Variants in PAG1 observed in about 807,000 individuals in gnomAD.
PAG1 encodes the protein phosphoprotein associated with glycosphingolipid-enriched microdomains 1.
PAG1 carries 23 observed loss-of-function variants against 31.7 expected under a neutral mutation model. The observed-to-expected ratio is 0.73, with a 90% CI of 0.52 to 1.03. PAG1 has a LOEUF of 1.03. Among genes scored for constraint, PAG1 ranks in the 50% least tolerant of loss-of-function variants. PAG1 has a pLI of 0.00. For missense variants in PAG1, 473 were observed against 540.7 expected, an observed-to-expected ratio of 0.87 and a Z score of 1.24; for synonymous variants, 214 against 210.3, an observed-to-expected ratio of 1.02 and a Z score of -0.15.
intron 3 of PAG1, among the ~76,000 whole-genome samples, chr8:81,008,867 A>G (rs1023849490): frequency 6.6e-6 from 1 of 152,154 alleles, no homozygotes; most frequent in Non-Finnish European, 1.5e-5. Flanking sequence ...AGTAGCTTTT[A>G]TAAAATATTA....
chr8:80,985,441 C>A (rs1276029865), intron 6 of PAG1, 64 bp from the exon 7 acceptor site: 3 of 1,495,656 alleles, frequency 2.0e-6, no homozygotes, highest in Non-Finnish European at 2.7e-6. Context: ...TACCGAGAAT[C>A]AGGTAATATA....
chr8:81,040,997 C>T (rs374311719), intron 2 of PAG1, among the ~76,000 whole-genome samples: 69 of 152,292 alleles, frequency 4.5e-4, no homozygotes, highest in African/African-American at 1.4e-3. Context: ...AACAAATGCT[C>T]GCGAGGGTAA....
chr8:81,085,399 A>T (rs1434999606), intron 1 of PAG1, among the ~76,000 whole-genome samples: 1 of 152,224 alleles, frequency 6.6e-6, no homozygotes, highest in Admixed American at 6.5e-5. Flanking sequence ...CAGTGAAGTG[A>T]CAAGTAGCAC....
At chr8:81,041,133 A>T (rs1271600403) in intron 2 of PAG1, among the ~76,000 whole-genome samples, 1 of 152,208 alleles carries the variant, frequency 6.6e-6, no homozygotes, top group African/African-American at 2.4e-5. Flanking sequence ...ACACCCCTTG[A>T]ATCTTAACTG....
chr8:81,055,572 A>G (rs1217814119), intron 2 of PAG1, among the ~76,000 whole-genome samples: 1 of 151,974 alleles, frequency 6.6e-6, no homozygotes, highest in Non-Finnish European at 1.5e-5. Flanking sequence ...CACGATATTG[A>G]TTCTTCCTAT....
At position 80,993,286 on chromosome 8, in the gene PAG1, C is replaced by T. The variant is rs2130511676; in HGVS notation, c.-59G>A. ...TCAGTCAGTCCTTCAAAGGTGGTGA[C>T]ATGGAGGCAGAGAGCTGTGTCCTGC... On this transcript the variant is annotated 5_prime_UTR_variant, in exon 4 of 9. The change abolishes an upstream ATG in the 5' untranslated region. Transcript: ENST00000220597. 1.3e-6 allele frequency: 2 copies of T among 1,540,968 alleles called. No homozygotes were observed. Among genetic ancestry groups the T allele is most frequent in the South Asian group, 1.2e-5 (1 of 81,476 alleles).
intron 3 of PAG1, among the ~76,000 whole-genome samples, chr8:80,996,640 T>C (rs934090070): frequency 2.0e-5 from 3 of 152,162 alleles, no homozygotes; most frequent in Non-Finnish European, 4.4e-5. Flanking sequence ...TGTGTGCAGA[T>C]GTACATGGAT....
intron 1 of PAG1, among the ~76,000 whole-genome samples, chr8:81,077,139 C>T (rs1368633213): frequency 1.3e-5 from 2 of 152,222 alleles, no homozygotes; most frequent in African/African-American, 4.8e-5. Context: ...CCCCCAGGAG[C>T]TCGTTAGAAA....
At chr8:81,095,791 C>A (rs1361177677) in intron 1 of PAG1, among the ~76,000 whole-genome samples, 1 of 152,176 alleles carries the variant, frequency 6.6e-6, no homozygotes, top group African/African-American at 2.4e-5. Context: ...TGCACCACTG[C>A]CAGCCTTGGC....
At chr8:81,091,595 A>C (rs552887207) in intron 1 of PAG1, among the ~76,000 whole-genome samples, 1 of 152,332 alleles carries the variant, frequency 6.6e-6, no homozygotes, top group African/African-American at 2.4e-5. Flanking sequence ...AACATAGAAA[A>C]GATACAGTAA....
intron 2 of PAG1, among the ~76,000 whole-genome samples, chr8:81,064,002 G>C (rs73694040): frequency 0.012 from 1,787 of 152,004 alleles, 41 homozygotes; most frequent in African/African-American, 0.041. Context: ...CTTACACAAG[G>C]AGCAAAAGAC....
intron 7 of PAG1, among the ~76,000 whole-genome samples, chr8:80,981,862 C>CCTTTTTTTT (rs1554598378): frequency 1.8e-4 from 19 of 103,430 alleles, no homozygotes; most frequent in African/African-American, 4.5e-4. Flanking sequence ...ATCTCACTTC[C>CCTTTTTTTT]TTTTTTTTTT....
At chr8:80,998,675 G>A (rs957378793) in intron 3 of PAG1, among the ~76,000 whole-genome samples, 1 of 152,034 alleles carries the variant, frequency 6.6e-6, no homozygotes, top group Non-Finnish European at 1.5e-5. Context: ...ATCCTTAACA[G>A]GTAGGTTCTC....
chr8:81,095,978 A>G (rs1586217198), intron 1 of PAG1, among the ~76,000 whole-genome samples: 1 of 152,226 alleles, frequency 6.6e-6, no homozygotes, highest in East Asian at 1.9e-4. Context: ...CATTTAAATA[A>G]TTCTTATGAA....
intron 2 of PAG1, among the ~76,000 whole-genome samples, chr8:81,050,459 G>T (rs894321947): frequency 6.6e-6 from 1 of 152,124 alleles, no homozygotes; most frequent in Non-Finnish European, 1.5e-5. Flanking sequence ...ACAGAGATCT[G>T]AGGTTCCAGC....
chr8:81,096,705 C>T (rs1451113462), intron 1 of PAG1, among the ~76,000 whole-genome samples: 1 of 152,128 alleles, frequency 6.6e-6, no homozygotes, highest in African/African-American at 2.4e-5. Context: ...GTTTACAGAG[C>T]CTTACAAAAA....
Position 80,987,398 on chromosome 8 carries a change from C to T in PAG1, c.246G>A (p.Glu82=). 6.2e-7 allele frequency: 1 copy of T among 1,613,466 alleles called. No homozygotes were observed. The highest frequency in any genetic ancestry group is 8.5e-7 in the Non-Finnish European group (1 of 1,179,378). The change falls in exon 6 of 9, where the codon GAG becomes GAA. Residue 82 remains glutamate, a synonymous_variant. Coordinates refer to ENST00000220597, the MANE Select transcript of PAG1 (RefSeq NM_018440.4). ...SLATDAPASS[E]QNGALTNGDI... is the part of the protein sequence containing the mutation. ...CCCCATTGGTGAGTGCCCCATTCTG[C>T]TCACTGCTGGCAGGAGCATCTGTTG...
chr8:81,030,320 C>A (rs747968632), intron 2 of PAG1, among the ~76,000 whole-genome samples: 11 of 152,148 alleles, frequency 7.2e-5, no homozygotes, highest in Non-Finnish European at 1.5e-4. Context: ...CCCCATCCAC[C>A]CAAAAATTTT....
intron 1 of PAG1, among the ~76,000 whole-genome samples, chr8:81,073,376 G>C (rs369550852): frequency 1.3e-5 from 2 of 152,122 alleles, no homozygotes; most frequent in African/African-American, 4.8e-5. Flanking sequence ...TGAGACAAGC[G>C]ACAGGATTCT....
Sources: gnomAD v4.1 joint callset for allele counts (sites outside exome capture counted in the v4.1 genomes callset) on GRCh38, gnomAD v4.1.1 for gene constraint, MANE v1.5 for transcripts, NCBI Gene and HGNC (gene_info 2026-07-23, HGNC 2026-07-21) for gene names.